Variants in CFAP91 observed in about 807,000 individuals in gnomAD.
CFAP91 encodes the protein cilia- and flagella-associated protein 91.
A neutral mutation model predicts 95.9 loss-of-function variants in CFAP91; 85 were observed. The ratio of observed to expected loss-of-function variants is 0.89; its 90% CI spans 0.74 to 1.06. The LOEUF (loss-of-function observed/expected upper bound fraction) is 1.06. Among genes scored for constraint, CFAP91 ranks in the 50% least tolerant of loss-of-function variants. The pLI is 0.00. For synonymous variants in CFAP91, 335 were observed against 327.5 expected (o/e 1.02, Z -0.25); for missense variants, 962 against 943.4 (o/e 1.02, Z -0.26).
At position 119,767,008 on chromosome 3, in the gene CFAP91, A is replaced by G. The variant is rs1175314603; in HGVS notation, c.*1958A>G. ...TCTTGATACCGGCAATCTTTTACTT[A>G]TAATGGCTTGAGTTAAAATGCTCCA... On this transcript the variant is annotated 3_prime_UTR_variant, in exon 18 of 18. Transcript: ENST00000273390. The G allele has an allele frequency of 2.6e-5, 4 of 152,248 alleles. No individual in the cohort carries two copies. Among genetic ancestry groups the G allele is most frequent in the Non-Finnish European group, 5.9e-5 (4 of 68,044 alleles). The allele number at this position is 152,248 out of a possible 1,614,324, so 9.4% of individuals were successfully genotyped here. A position where few individuals can be genotyped will look rare whatever the true frequency, so the allele number is the denominator to read the frequency against.
At chr3:119,714,652 C>T (rs1203661374) in intron 5 of CFAP91, among the ~76,000 whole-genome samples, 1 of 152,146 alleles carries the variant, frequency 6.6e-6, no homozygotes, top group East Asian at 1.9e-4. Context: ...CTCCTTTACT[C>T]ATTTTTCCAT....
chr3:119,748,148 G>A (rs974647924), intron 16 of CFAP91, among the ~76,000 whole-genome samples: 2 of 152,142 alleles, frequency 1.3e-5, no homozygotes, highest in Non-Finnish European at 2.9e-5. Flanking sequence ...TTGTTTAAAA[G>A]GATGTTCCCA....
At chr3:119,746,210 A>G (rs914757617) in intron 14 of CFAP91, among the ~76,000 whole-genome samples, 4 of 152,228 alleles carry the variant, frequency 2.6e-5, no homozygotes, top group African/African-American at 9.6e-5. Context: ...AAAGGAAGAA[A>G]CCATGGTGGC....
At chr3:119,715,288 T>C (rs1224670891) in intron 5 of CFAP91, 4 of 542,350 alleles carry the variant, frequency 7.4e-6, no homozygotes, top group Non-Finnish European at 1.3e-5. Context: ...TTCTACAACC[T>C]TGCCCAGTGA....
chr3:119,766,960 T>C lies in CFAP91; in HGVS notation c.*1910T>C, dbSNP rs1309752955. 1 of 152,182 alleles carries C rather than the reference T, an allele frequency of 6.6e-6. No homozygotes were observed. The highest frequency in any genetic ancestry group is 1.5e-5 in the Non-Finnish European group (1 of 68,028). The allele number at this position is 152,182 out of a possible 1,614,324, so 9.4% of individuals were successfully genotyped here. A position where few individuals can be genotyped will look rare whatever the true frequency, so the allele number is the denominator to read the frequency against. On this transcript the variant is annotated 3_prime_UTR_variant, in exon 18 of 18. Coordinates refer to ENST00000273390, the MANE Select transcript of CFAP91 (RefSeq NM_033364.4). ...TACAATTCTCATTGACTAATTGAAG[T>C]TTACTAGGAGAGGAAAACTTTTTCT...
At chr3:119,715,465 A>G in intron 5 of CFAP91, 97 bp from the exon 6 acceptor site, 1 of 1,005,248 alleles carries the variant, frequency 9.9e-7, no homozygotes, top group Non-Finnish European at 1.6e-6. Context: ...AGAGGAATGG[A>G]CTTGACAAAG....
intron 10 of CFAP91, 93 bp downstream of exon 10, chr3:119,733,599 A>C (rs753039317): frequency 6.1e-6 from 8 of 1,302,652 alleles, no homozygotes; most frequent in Non-Finnish European, 8.7e-6. Flanking sequence ...CCAGTGGGTC[A>C]AACATAGACC....
intron 17 of CFAP91, among the ~76,000 whole-genome samples, chr3:119,756,997 T>C (rs552255957): frequency 3.2e-4 from 49 of 152,304 alleles, no homozygotes; most frequent in Non-Finnish European, 3.8e-4. Context: ...TATATGCTGC[T>C]TGCAGGAAGC....
At chr3:119,707,091 C>A (rs2053379745) in intron 2 of CFAP91, 4 of 550,220 alleles carry the variant, frequency 7.3e-6, no homozygotes, top group East Asian at 2.8e-5. Flanking sequence ...AACAGAGAAC[C>A]CATAAGCTAA....
At chr3:119,718,909 CAAA>C (rs540249941) in intron 6 of CFAP91, among the ~76,000 whole-genome samples, 9 of 137,384 alleles carry the variant, frequency 6.6e-5, no homozygotes, top group African/African-American at 2.3e-4. Flanking sequence ...AAGTATACAT[CAAA>C]AAAAAAAAAA....
Position 119,708,913 on chromosome 3 carries a change from T to C in CFAP91, c.443+239T>C, listed in dbSNP as rs2053425362. On this transcript the variant is annotated intron_variant, in intron 4 of 17. Coordinates refer to ENST00000273390, the MANE Select transcript of CFAP91 (RefSeq NM_033364.4). The stretch of plus-strand genomic sequence containing the variant: ...GATAAATAGATTGCTCAAGGTCATA[T>C]AAGCTAGCAAGGGGTAGATCTGGGG... 2.0e-5 allele frequency among the ~76,000 whole-genome samples: 3 copies of C among 152,170 alleles called. 1 individual carries two copies. In the South Asian group the frequency reaches 6.2e-4, roughly 32 times the overall value.
chr3:119,727,198 C>T (rs962922234), intron 7 of CFAP91, among the ~76,000 whole-genome samples: 2 of 152,186 alleles, frequency 1.3e-5, no homozygotes, highest in Non-Finnish European at 2.9e-5. Flanking sequence ...AGAGAGGGAC[C>T]TAGAGAGTTA....
chr3:119,708,676 T>C lies in CFAP91; in HGVS notation c.443+2T>C, dbSNP rs1298076003. ...GAATCGCTATAAATACTTTGAAAGG[T>C]AGAACATAATTACTAATGAATATTT... is the stretch of plus-strand genomic sequence containing the variant. On this transcript the variant is annotated splice_donor_variant, in intron 4 of 17. Coordinates refer to ENST00000273390, the MANE Select transcript of CFAP91 (RefSeq NM_033364.4). LOFTEE classifies it high-confidence loss of function. The C allele has an allele frequency of 1.3e-6, 2 of 1,501,462 alleles. No individual in the cohort carries two copies. The highest frequency in any genetic ancestry group is 2.3e-5 in the East Asian group (1 of 44,160). 93.0% of individuals were successfully genotyped at this position (1,501,462 alleles called of 1,614,324 possible). A position where few individuals can be genotyped will look rare whatever the true frequency, so the allele number is the denominator to read the frequency against.
intron 12 of CFAP91, among the ~76,000 whole-genome samples, chr3:119,740,331 C>G (rs971593228): frequency 1.3e-5 from 2 of 152,222 alleles, no homozygotes; most frequent in African/African-American, 4.8e-5. Flanking sequence ...TTAAGCACAG[C>G]TCACTGAAAA....
At chr3:119,757,261 C>T (rs1042128410) in intron 17 of CFAP91, among the ~76,000 whole-genome samples, 1 of 152,090 alleles carries the variant, frequency 6.6e-6, no homozygotes, top group African/African-American at 2.4e-5. Context: ...ACAGAACTGC[C>T]TGGAGAAATA....
At chr3:119,737,233 A>G (rs2054027080) in intron 10 of CFAP91, 133 bp from the exon 11 acceptor site, 2 of 586,320 alleles carry the variant, frequency 3.4e-6, no homozygotes, top group South Asian at 2.4e-5. Flanking sequence ...TACATTATTC[A>G]GGTGATGGGT....
chr3:119,752,087 G>A (rs999632547), intron 17 of CFAP91, among the ~76,000 whole-genome samples: 1 of 152,206 alleles, frequency 6.6e-6, no homozygotes, highest in Non-Finnish European at 1.5e-5. Flanking sequence ...ATGAGAAGGG[G>A]AATGGAGTGA....
intron 13 of CFAP91, among the ~76,000 whole-genome samples, chr3:119,743,237 G>T (rs2054155276): frequency 6.6e-6 from 1 of 151,230 alleles, no homozygotes; most frequent in Non-Finnish European, 1.5e-5. Context: ...CCTGCCTCAG[G>T]CTCCCGAGTA....
intron 5 of CFAP91, chr3:119,713,071 T>A (rs1234327054): frequency 2.0e-5 from 3 of 151,998 alleles, no homozygotes; most frequent in Non-Finnish European, 2.9e-5. Context: ...TTTTAAAAAA[T>A]TTTTATTTTA....
Sources: gnomAD v4.1 joint callset for allele counts (sites outside exome capture counted in the v4.1 genomes callset) on GRCh38, gnomAD v4.1.1 for gene constraint, MANE v1.5 for transcripts, NCBI Gene and HGNC (gene_info 2026-07-23, HGNC 2026-07-21) for gene names.